The following ACVR1B variants were observed in gnomAD, a reference collection of about 807,000 sequenced individuals.
The protein encoded by ACVR1B is activin receptor type-1B.
Under a neutral mutation model 55.6 loss-of-function variants are expected in ACVR1B, and 15 were observed. The ratio of observed to expected loss-of-function variants is 0.27; its 90% CI spans 0.18 to 0.42. The LOEUF is 0.42. Among genes scored for constraint, ACVR1B ranks in the 10% least tolerant of loss-of-function variants. ACVR1B has a pLI of 1.00. For synonymous variants in ACVR1B, 247 were observed against 254.6 expected, an observed-to-expected ratio of 0.97 and a Z score of 0.28; for missense variants, 359 against 670.1, an observed-to-expected ratio of 0.54 and a Z score of 5.13.
In ACVR1B at chr12:51,976,161, G is replaced by A. The variant is rs965246115; in HGVS notation, c.332-166G>A. Among the ~76,000 whole-genome samples the A allele has an allele frequency of 4.1e-5, 5 of 120,556 alleles. No homozygotes were observed. In the East Asian group the frequency reaches 1.1e-3, roughly 26 times the overall value. 79.1% of individuals were successfully genotyped at this position (120,556 alleles called of 152,430 possible). A position where few individuals can be genotyped will look rare whatever the true frequency, so the allele number is the denominator to read the frequency against. ...AACTAAAGAAGTTGGGCATTTGAGA[G>A]CATCTAGGCAGCAAGACTAGCCCAG... On this transcript the variant is annotated intron_variant, in intron 2 of 8. Coordinates refer to ENST00000257963, the MANE Select transcript of ACVR1B (RefSeq NM_004302.5).
In ACVR1B at chr12:51,994,220, A is replaced by T; in HGVS notation, c.*110A>T. On this transcript the variant is annotated 3_prime_UTR_variant, in exon 9 of 9. Coordinates refer to ENST00000257963, the MANE Select transcript of ACVR1B (RefSeq NM_004302.5). This position sits in a 1 kb window ranked among gnomAD's most constrained non-coding sequence, Gnocchi z 4.2. ...CGTTTCTGCCCAGCCCTCTGTGGCC[A>T]GGAGCCCTGGCCCGCAAGAGGGACA... 6.7e-7 allele frequency: 1 copy of T among 1,501,708 alleles called. No homozygotes were observed. The highest frequency in any genetic ancestry group is 8.9e-7 in the Non-Finnish European group (1 of 1,118,414). 93.0% of individuals were successfully genotyped at this position (1,501,708 alleles called of 1,614,324 possible).
intron 7 of ACVR1B, among the ~76,000 whole-genome samples, chr12:51,990,022 G>C (rs1022089611): frequency 6.6e-6 from 1 of 151,744 alleles, no homozygotes; most frequent in South Asian, 2.1e-4. Context: ...GGTCAGGTGC[G>C]GTGGCTCGCA....
chr12:51,954,104 CCTCCCCTGCATTTCCTATATAGTG>C (rs1271899391), intron 1 of ACVR1B, among the ~76,000 whole-genome samples: 2 of 152,054 alleles, frequency 1.3e-5, no homozygotes, highest in Non-Finnish European at 2.9e-5. Context: ...ATTTTTTTCC[CCTCCCCTGCATTTCCTATATAGTG>C]CTCCCCTACG....
At chr12:51,953,251 T>A in intron 1 of ACVR1B, 4 of 740,514 alleles carry the variant, frequency 5.4e-6, no homozygotes, top group Non-Finnish European at 6.6e-6. Flanking sequence ...TCAGTCGTCT[T>A]TAATAAACCA....
intron 1 of ACVR1B, among the ~76,000 whole-genome samples, chr12:51,955,626 A>G (rs560197161): frequency 3.3e-5 from 5 of 152,152 alleles, no homozygotes; most frequent in Admixed American, 1.3e-4. Flanking sequence ...TTACTGTTCA[A>G]TTTTTGCTCA....
At position 51,994,640 on chromosome 12, in the gene ACVR1B, C is replaced by T. The variant is rs999201783; in HGVS notation, c.*530C>T. On this transcript the variant is annotated 3_prime_UTR_variant, in exon 9 of 9. Transcript: ENST00000257963. The surrounding 1 kb of genome is among the most constrained non-coding windows in gnomAD (Gnocchi z 4.2). ...GACTGCCAGTGGAGACGGAATCTGC[C>T]GCTTTGTCTGTCCAGCCGTGTGTGC... is the stretch of plus-strand genomic sequence containing the variant. 7 of 156,002 alleles carry T rather than the reference C, an allele frequency of 4.5e-5. No individual in the cohort carries two copies. Among genetic ancestry groups the T allele is most frequent in the East Asian group, 1.9e-4 (1 of 5,242 alleles). The allele number at this position is 156,002 out of a possible 1,614,324, so 9.7% of individuals were successfully genotyped here. A position where few individuals can be genotyped will look rare whatever the true frequency, so the allele number is the denominator to read the frequency against.
intron 1 of ACVR1B, among the ~76,000 whole-genome samples, chr12:51,970,204 C>T (rs1050585631): frequency 3.3e-5 from 5 of 151,294 alleles, no homozygotes; most frequent in African/African-American, 9.7e-5. Flanking sequence ...CTAGTGTGGC[C>T]GTGGCCCTGC....
At chr12:51,992,331 C>G in intron 8 of ACVR1B, 1 of 391,512 alleles carries the variant, frequency 2.6e-6, no homozygotes, top group Non-Finnish European at 4.6e-6. Flanking sequence ...GTGGGGAGAC[C>G]CCATCTCTAC....
intron 3 of ACVR1B, among the ~76,000 whole-genome samples, chr12:51,979,767 T>G (rs913848765): frequency 1.2e-4 from 19 of 152,062 alleles, no homozygotes; most frequent in African/African-American, 4.6e-4. Context: ...ATTTTTTCCT[T>G]TGGAAGGAAT....
chr12:51,954,714 T>C (rs1371625476), intron 1 of ACVR1B, among the ~76,000 whole-genome samples: 2 of 152,234 alleles, frequency 1.3e-5, no homozygotes, highest in African/African-American at 4.8e-5. Flanking sequence ...AACTTAACCT[T>C]TCTGTGACTG....
rs1942085442 is a variant in ACVR1B at position 51,986,871 on chromosome 12, C to G, written c.1190C>G (p.Ser397Cys). The G allele has an allele frequency of 6.2e-7, 1 of 1,614,056 alleles. No homozygotes were observed. Among genetic ancestry groups the G allele is most frequent in the Non-Finnish European group, 8.5e-7 (1 of 1,180,032 alleles). Residue 397 changes from serine to cysteine, a missense_variant, in exon 7 of 9, where the codon TCC (serine) becomes TGC (cysteine). By Grantham distance (112) the Ser-to-Cys change is moderately radical (BLOSUM62 -1). Transcript: ENST00000257963. ...DETINMKHFD[S>C]FKCADIYALG... ...ACCATTAATATGAAACACTTTGACT[C>G]CTTTAAATGTGCTGATATTTATGCC...
chr12:51,985,700 G>C (rs1354805887), intron 6 of ACVR1B, among the ~76,000 whole-genome samples: 1 of 152,208 alleles, frequency 6.6e-6, no homozygotes, highest in Non-Finnish European at 1.5e-5. Context: ...TGTGCAGAGA[G>C]CTGTGAAGGA....
intron 3 of ACVR1B, among the ~76,000 whole-genome samples, chr12:51,980,556 A>T (rs1349024991): frequency 6.6e-6 from 1 of 152,182 alleles, no homozygotes; most frequent in Non-Finnish European, 1.5e-5. Context: ...GGCCCCCAGC[A>T]CATGAGCCCA....
chr12:51,995,272 G>GGGGAA lies in ACVR1B; in HGVS notation c.*1171_*1175dup, dbSNP rs953893090. On this transcript the variant is annotated 3_prime_UTR_variant, in exon 9 of 9. Coordinates refer to ENST00000257963, the MANE Select transcript of ACVR1B (RefSeq NM_004302.5). ...TTTTTGGTGGTGGTGGGTTTGGGGT[G>GGGGAA]GGGAAGGGAAGGGCGGGCAAGGAGT... 2.6e-5 allele frequency: 4 copies of GGGGAA among 151,824 alleles called. No homozygotes were observed. Among genetic ancestry groups the GGGGAA allele is most frequent in the East Asian group, 1.9e-4 (1 of 5,146 alleles). 9.4% of individuals were successfully genotyped at this position (151,824 alleles called of 1,614,324 possible). A position where few individuals can be genotyped will look rare whatever the true frequency, so the allele number is the denominator to read the frequency against.
intron 7 of ACVR1B, among the ~76,000 whole-genome samples, chr12:51,988,045 T>A (rs1022519738): frequency 6.6e-6 from 1 of 152,248 alleles, no homozygotes; most frequent in African/African-American, 2.4e-5. Flanking sequence ...CCAGCAGAAC[T>A]GTTTTGTATA....
intron 3 of ACVR1B, among the ~76,000 whole-genome samples, chr12:51,977,596 G>C (rs1485763677): frequency 6.8e-6 from 1 of 148,134 alleles, no homozygotes. Flanking sequence ...TGTGACAATG[G>C]TATTGCATTC....
rs1166138634 is a variant in ACVR1B at position 51,966,348 on chromosome 12, A to T, written c.92-8917A>T. On this transcript the variant is annotated intron_variant, in intron 1 of 8. Transcript: ENST00000257963. ...CTAGATTCTTCAACAGATAACTTGC[A>T]AGGAAAAATAACAGTGCAAGCGGGA... Among the ~76,000 whole-genome samples, 3 of 152,256 alleles carry T rather than the reference A, an allele frequency of 2.0e-5. No homozygotes were observed. The South Asian group carries it at 6.2e-4, about 31-fold the overall frequency.
chr12:51,969,505 G>A (rs927746336), intron 1 of ACVR1B, among the ~76,000 whole-genome samples: 4 of 152,138 alleles, frequency 2.6e-5, no homozygotes, highest in Non-Finnish European at 4.4e-5. Flanking sequence ...TAATAAAAGT[G>A]GGCTACTGAA....
intron 1 of ACVR1B, among the ~76,000 whole-genome samples, chr12:51,954,249 T>G (rs1359651320): frequency 1.3e-5 from 2 of 152,182 alleles, no homozygotes; most frequent in African/African-American, 4.8e-5. Flanking sequence ...AACTAGGACT[T>G]AGTAAAAGGC....
Sources: allele counts gnomAD v4.1 joint callset (sites outside exome capture counted in the v4.1 genomes callset), GRCh38; gene constraint gnomAD v4.1.1; non-coding constraint Gnocchi (gnomAD v3.1); transcripts MANE v1.5; gene names NCBI Gene and HGNC (gene_info 2026-07-23, HGNC 2026-07-21).